PCDHA2: variants seen among roughly 807,000 people sequenced by gnomAD.
PCDHA2 encodes the protein protocadherin alpha 2.
PCDHA2 carries 58 observed loss-of-function variants against 66.0 expected under a neutral mutation model. That is an observed-to-expected ratio of 0.88 (90% CI 0.71 to 1.09). PCDHA2 has a LOEUF of 1.09. Among genes scored for constraint, PCDHA2 ranks in the 50% least tolerant of loss-of-function variants. The pLI is 0.00. For synonymous variants in PCDHA2, 634 were observed against 554.0 expected (o/e 1.14, Z -2.03); for missense variants, 1,267 against 1,242.3 (o/e 1.02, Z -0.30).
At chr5:140,872,294 T>C in intron 1 of PCDHA2, among the ~76,000 whole-genome samples, 1 of 152,190 alleles carries the variant, frequency 6.6e-6, no homozygotes, top group East Asian at 1.9e-4. Flanking sequence ...AAGCCTTGCA[T>C]TCTTATATGC....
At chr5:140,837,391 T>A (rs1444543611) in intron 1 of PCDHA2, among the ~76,000 whole-genome samples, 1 of 152,024 alleles carries the variant, frequency 6.6e-6, no homozygotes, top group East Asian at 1.9e-4. Context: ...GTTCCTTGTT[T>A]GTATAAGAAA....
intron 1 of PCDHA2, among the ~76,000 whole-genome samples, chr5:140,806,286 T>C (rs1489649696): frequency 2.0e-5 from 3 of 152,184 alleles, no homozygotes; most frequent in African/African-American, 7.2e-5. Context: ...CTAAAATATA[T>C]AAGCACTATA....
chr5:140,931,414 T>C (rs2087515742), intron 1 of PCDHA2, among the ~76,000 whole-genome samples: 1 of 151,886 alleles, frequency 6.6e-6, no homozygotes, highest in Non-Finnish European at 1.5e-5. Context: ...GGCTGATGAA[T>C]CTAGAAGTTA....
At chr5:140,973,089 T>G (rs534319830) in intron 1 of PCDHA2, among the ~76,000 whole-genome samples, 2 of 152,308 alleles carry the variant, frequency 1.3e-5, no homozygotes, top group East Asian at 3.9e-4. Flanking sequence ...TGGCACAACA[T>G]GTAGAAATTA....
At chr5:140,807,760 T>C (rs782195292) in intron 1 of PCDHA2, 3 of 1,614,028 alleles carry the variant, frequency 1.9e-6, no homozygotes, top group Non-Finnish European at 2.5e-6. Context: ...TGGTAAAAGG[T>C]CTTGGGCTTA....
At chr5:140,828,189 A>G (rs2150152143) in intron 1 of PCDHA2, 1 of 1,613,890 alleles carries the variant, frequency 6.2e-7, no homozygotes, top group African/African-American at 1.3e-5. Context: ...CAGCTCCACT[A>G]CTCCGTACCC....
At chr5:140,843,005 G>T in intron 1 of PCDHA2, 1 of 1,595,030 alleles carries the variant, frequency 6.3e-7, no homozygotes, top group East Asian at 2.2e-5. Flanking sequence ...GAATGACAAC[G>T]CGCCGGCACT....
At chr5:140,981,683 T>A (rs1484532280) in intron 2 of PCDHA2, among the ~76,000 whole-genome samples, 5 of 152,034 alleles carry the variant, frequency 3.3e-5, no homozygotes, top group Non-Finnish European at 5.9e-5. Flanking sequence ...CCTTCCTCCC[T>A]TCCATCATTC....
intron 1 of PCDHA2, among the ~76,000 whole-genome samples, chr5:140,892,088 C>T (rs782787174): frequency 1.3e-5 from 2 of 152,122 alleles, no homozygotes; most frequent in Non-Finnish European, 2.9e-5. Flanking sequence ...AGTTTCCTCT[C>T]GAAACTTTCA....
In PCDHA2 at chr5:140,877,150, G is replaced by T. The variant is rs370292278; in HGVS notation, c.2388+79798G>T. On this transcript the variant is annotated intron_variant, in intron 1 of 3. Coordinates refer to ENST00000526136, the MANE Select transcript of PCDHA2 (RefSeq NM_018905.3). Reference sequence around the variant, plus strand: ...GCAGGTGTTCGTGCTGGACGAGAACGACAACGCGCCGGCACTGCTGGCGAC... The same window carrying T: ...GCAGGTGTTCGTGCTGGACGAGAACTACAACGCGCCGGCACTGCTGGCGAC... 1.7e-5 allele frequency: 27 copies of T among 1,613,672 alleles called. No homozygotes were observed. Among genetic ancestry groups the T allele is most frequent in the Non-Finnish European group, 2.2e-5 (26 of 1,179,864 alleles).
intron 1 of PCDHA2, chr5:140,830,250 C>A (rs1435019296): frequency 1.9e-6 from 3 of 1,613,904 alleles, no homozygotes; most frequent in Non-Finnish European, 8.5e-7. Flanking sequence ...CTGTACACAG[C>A]GCTGCGGTGC....
Position 140,857,664 on chromosome 5 carries a change from G to C in PCDHA2, c.2388+60312G>C, listed in dbSNP as rs201104305. Reference sequence around the variant, plus strand: ...CAGTTCCAGGTGAGCGCGCGCGATGGGGGCGTGCCGCCTCTGGGCAGCAAC... The same window carrying C: ...CAGTTCCAGGTGAGCGCGCGCGATGCGGGCGTGCCGCCTCTGGGCAGCAAC... On this transcript the variant is annotated intron_variant, in intron 1 of 3. Transcript: ENST00000526136. 3.7e-5 allele frequency: 59 copies of C among 1,591,986 alleles called. 7 individuals are homozygous for C. The highest frequency in any genetic ancestry group is 8.9e-5 in the East Asian group (4 of 44,792).
At chr5:140,996,926 T>C (rs569386997) in intron 3 of PCDHA2, among the ~76,000 whole-genome samples, 4 of 152,320 alleles carry the variant, frequency 2.6e-5, no homozygotes, top group Middle Eastern at 3.4e-3. Flanking sequence ...TTAAAAAATA[T>C]AGCATTTTTG....
chr5:141,001,401 G>A (rs190876782), intron 3 of PCDHA2, among the ~76,000 whole-genome samples: 12 of 152,314 alleles, frequency 7.9e-5, no homozygotes, highest in African/African-American at 2.4e-4. Context: ...AGAGAACAGG[G>A]AGTATATTTT....
At chr5:140,826,381 T>A (rs1768927089) in intron 1 of PCDHA2, among the ~76,000 whole-genome samples, 1 of 152,186 alleles carries the variant, frequency 6.6e-6, no homozygotes, top group Non-Finnish European at 1.5e-5. Flanking sequence ...AAGTCAGTGA[T>A]AAGAACTACT....
chr5:140,875,854 G>A (rs1448268904), intron 1 of PCDHA2: 6 of 1,614,160 alleles, frequency 3.7e-6, no homozygotes, highest in Non-Finnish European at 5.1e-6. Flanking sequence ...GGACATTAAC[G>A]ACAACCCGCC....
intron 1 of PCDHA2, among the ~76,000 whole-genome samples, chr5:140,845,212 T>C (rs1779759360): frequency 6.7e-6 from 1 of 149,366 alleles, no homozygotes; most frequent in South Asian, 2.1e-4. Context: ...TTTAAGTCCT[T>C]TTAAAAAATA....
chr5:140,916,733 A>G (rs1242424937), intron 1 of PCDHA2, among the ~76,000 whole-genome samples: 1 of 152,146 alleles, frequency 6.6e-6, no homozygotes, highest in Non-Finnish European at 1.5e-5. Flanking sequence ...TTGTTGCTGC[A>G]AGCTTCACTG....
At position 140,959,344 on chromosome 5, in the gene PCDHA2, C is replaced by T. The variant is rs541663379; in HGVS notation, c.2389-19605C>T. Among the ~76,000 whole-genome samples the T allele has an allele frequency of 2.0e-4, 30 of 152,112 alleles. No individual in the cohort carries two copies. The South Asian group carries it at 6.0e-3, about 31-fold the overall frequency. On this transcript the variant is annotated intron_variant, in intron 1 of 3. Coordinates refer to ENST00000526136, the MANE Select transcript of PCDHA2 (RefSeq NM_018905.3). Reference sequence around the variant, plus strand: ...AAGTTTTGATTATGCTACTGCACTCCAGCGGGACAACTGAGTGAGACCCTG... The same window carrying T: ...AAGTTTTGATTATGCTACTGCACTCTAGCGGGACAACTGAGTGAGACCCTG...
Sources: gnomAD v4.1 joint callset for allele counts (sites outside exome capture counted in the v4.1 genomes callset) on GRCh38, gnomAD v4.1.1 for gene constraint, MANE v1.5 for transcripts, NCBI Gene and HGNC (gene_info 2026-07-23, HGNC 2026-07-21) for gene names.